The following PAPPA variants were observed in gnomAD, a reference collection of about 807,000 sequenced individuals.
PAPPA encodes the protein pappalysin 1, also known as pappalysin-1.
In PAPPA, 60 loss-of-function variants were observed where a neutral mutation model predicts 164.0. The ratio of observed to expected loss-of-function variants is 0.37; its 90% confidence interval spans 0.30 to 0.45. The LOEUF is 0.45. PAPPA is among the 20% of genes least tolerant of loss of function. The pLI is 1.00. For synonymous variants in PAPPA, 875 were observed against 814.1 expected, an observed-to-expected ratio of 1.07 and a Z score of -1.27; for missense variants, 1,782 against 2,087.3, an observed-to-expected ratio of 0.85 and a Z score of 2.85.
chr9:116,281,490 C>T (rs753794284), intron 9 of PAPPA, among the ~76,000 whole-genome samples: 2 of 152,152 alleles, frequency 1.3e-5, no homozygotes, highest in Non-Finnish European at 2.9e-5. Context: ...CATTGAGACA[C>T]TGAAGCAAAT....
chr9:116,279,402 CCAT>C (rs1845240776), intron 9 of PAPPA, among the ~76,000 whole-genome samples: 1 of 152,078 alleles, frequency 6.6e-6, no homozygotes, highest in Non-Finnish European at 1.5e-5. Context: ...ATCAAGCTTG[CCAT>C]CCTGCCTCAG....
In PAPPA at chr9:116,400,627, C is replaced by T. The variant is rs930384514; in HGVS notation, c.*4011C>T. ...AGTTTTTTAAAAAGCTGCTACATGA[C>T]AGACAGGTAATCCCACTGAGTGAGT... On this transcript the variant is annotated 3_prime_UTR_variant, in exon 22 of 22. Transcript: ENST00000328252. The T allele has an allele frequency of 1.3e-5, 2 of 152,194 alleles. No individual in the cohort carries two copies. The highest frequency in any genetic ancestry group is 2.9e-5 in the Non-Finnish European group (2 of 68,030). The allele number at this position is 152,194 out of a possible 1,614,324, so 9.4% of individuals were successfully genotyped here. A position where few individuals can be genotyped will look rare whatever the true frequency, so the allele number is the denominator to read the frequency against.
Position 116,396,572 on chromosome 9 carries a change from CAAG to C in PAPPA, c.4843_4845del (p.Glu1615del). On this transcript the variant is annotated inframe_deletion, in exon 22 of 22. Transcript: ENST00000328252. ...CTGTGCTTGTCGGGACCCCCAGGCC[CAAG>C]AACACAGCCGGAAAGACCTCCGGGG... 2.6e-6 allele frequency: 2 copies of C among 780,860 alleles called. No individual in the cohort carries two copies. The highest frequency in any genetic ancestry group is 4.9e-5 in the East Asian group (2 of 41,232). The allele number at this position is 780,860 out of a possible 1,614,324, so 48.4% of individuals were successfully genotyped here.
chr9:116,383,807 T>TCAC (rs1846765780), intron 21 of PAPPA, among the ~76,000 whole-genome samples: 1 of 152,210 alleles, frequency 6.6e-6, no homozygotes, highest in Non-Finnish European at 1.5e-5. Context: ...GTTTTGATTT[T>TCAC]TGATTGATAG....
At chr9:116,370,116 G>C (rs935001084) in intron 19 of PAPPA, among the ~76,000 whole-genome samples, 2 of 152,142 alleles carry the variant, frequency 1.3e-5, no homozygotes, top group African/African-American at 4.8e-5. Flanking sequence ...GTGCAATTTA[G>C]ATAGCTGGGG....
intron 1 of PAPPA, among the ~76,000 whole-genome samples, chr9:116,161,253 T>A (rs1843661718): frequency 6.6e-6 from 1 of 152,204 alleles, no homozygotes; most frequent in African/African-American, 2.4e-5. Context: ...TGTTGGGACT[T>A]CATAAGTCTG....
At position 116,193,500 on chromosome 9, in the gene PAPPA, C is replaced by T. The variant is rs562781560; in HGVS notation, c.1478+5284C>T. Reference sequence around the variant, plus strand: ...TTGCTGCAGATGGGGAGACTAAGCCCTCAAGGAGGGGCAGACACTGACGCA... The same window carrying T: ...TTGCTGCAGATGGGGAGACTAAGCCTTCAAGGAGGGGCAGACACTGACGCA... On this transcript the variant is annotated intron_variant, in intron 2 of 21. Coordinates refer to ENST00000328252, the MANE Select transcript of PAPPA (RefSeq NM_002581.5). Among the ~76,000 whole-genome samples, 3 of 152,192 alleles carry T rather than the reference C, an allele frequency of 2.0e-5. No individual in the cohort carries two copies. In the South Asian group the frequency reaches 6.2e-4, roughly 32 times the overall value.
In PAPPA at chr9:116,271,269, C is replaced by T; in HGVS notation, c.2862-56C>T. ...GGCCCAGGGAGGGACTTTTCCATGTCCAGCCATGGTTTTAAGACTAAATTG... is the reference window on the plus strand; with the variant it reads ...GGCCCAGGGAGGGACTTTTCCATGTTCAGCCATGGTTTTAAGACTAAATTG... On this transcript the variant is annotated intron_variant, in intron 8 of 21. Coordinates refer to ENST00000328252, the MANE Select transcript of PAPPA (RefSeq NM_002581.5). The surrounding 1 kb of genome is among the most constrained non-coding windows in gnomAD (Gnocchi z 4.2). The T allele has an allele frequency of 2.4e-6, 3 of 1,254,730 alleles. No homozygotes were observed. The highest frequency in any genetic ancestry group is 2.4e-5 in the South Asian group (2 of 83,558). 77.7% of individuals were successfully genotyped at this position (1,254,730 alleles called of 1,614,324 possible).
rs138082137 is a variant in PAPPA at position 116,325,866 on chromosome 9, CT to C, written c.3148-5373del. Among the ~76,000 whole-genome samples, 957 of 152,282 alleles carry C rather than the reference CT, an allele frequency of 6.3e-3. 12 individuals carry two copies. Among genetic ancestry groups the C allele is most frequent in the African/African-American group, 0.022 (915 of 41,564 alleles). On this transcript the variant is annotated intron_variant, in intron 10 of 21. Coordinates refer to ENST00000328252, the MANE Select transcript of PAPPA (RefSeq NM_002581.5). ...TATTTCTGGGAGACAGAAAAATTTG[CT>C]TTTTCATAAACGTGTTGCTCCTTAT...
chr9:116,367,430 G>A (rs1846515490), intron 18 of PAPPA, among the ~76,000 whole-genome samples: 1 of 152,196 alleles, frequency 6.6e-6, no homozygotes, highest in South Asian at 2.1e-4. Context: ...CAATGAGTGT[G>A]GCAGCAGGAA....
intron 7 of PAPPA, among the ~76,000 whole-genome samples, chr9:116,261,725 C>G (rs1462799332): frequency 1.3e-5 from 2 of 151,948 alleles, no homozygotes; most frequent in African/African-American, 4.8e-5. Flanking sequence ...GCTCTAAATT[C>G]GATACACATT....
intron 13 of PAPPA, among the ~76,000 whole-genome samples, chr9:116,339,034 C>G (rs1319532912): frequency 6.6e-6 from 1 of 152,144 alleles, no homozygotes; most frequent in Non-Finnish European, 1.5e-5. Flanking sequence ...CTAAAATCAC[C>G]TAACAAGTTG....
At chr9:116,240,150 C>G (rs925636624) in intron 7 of PAPPA, among the ~76,000 whole-genome samples, 2 of 152,232 alleles carry the variant, frequency 1.3e-5, no homozygotes, top group Admixed American at 6.5e-5. Context: ...CTCTCATCTA[C>G]TTATTGGTCT....
intron 10 of PAPPA, among the ~76,000 whole-genome samples, chr9:116,314,055 C>T (rs1218868131): frequency 1.6e-5 from 2 of 126,790 alleles, no homozygotes; most frequent in East Asian, 2.5e-4. Flanking sequence ...GTCATTGCAT[C>T]GAATCTTTTT....
intron 4 of PAPPA, among the ~76,000 whole-genome samples, chr9:116,215,568 A>G (rs1844360236): frequency 6.6e-6 from 1 of 152,184 alleles, no homozygotes; most frequent in African/African-American, 2.4e-5. Context: ...ACAGAGGGGA[A>G]CAACACACAC....
chr9:116,159,744 A>AC (rs1843645793), intron 1 of PAPPA, among the ~76,000 whole-genome samples: 1 of 151,960 alleles, frequency 6.6e-6, no homozygotes, highest in Non-Finnish European at 1.5e-5. Context: ...AGCACCTCCC[A>AC]TTTTTCCCTG....
intron 5 of PAPPA, among the ~76,000 whole-genome samples, chr9:116,223,527 A>G (rs1844469921): frequency 1.3e-5 from 2 of 152,218 alleles, no homozygotes; most frequent in Non-Finnish European, 2.9e-5. Context: ...CTTGAGGCTC[A>G]TATAGTAGCT....
At chr9:116,241,347 C>T (rs1844733298) in intron 7 of PAPPA, among the ~76,000 whole-genome samples, 1 of 151,952 alleles carries the variant, frequency 6.6e-6, no homozygotes, top group Admixed American at 6.6e-5. Flanking sequence ...ATATAATATC[C>T]CAGTTGGAAA....
chr9:116,348,234 C>A (rs1475223464), intron 15 of PAPPA, among the ~76,000 whole-genome samples: 2 of 151,708 alleles, frequency 1.3e-5, no homozygotes, highest in African/African-American at 4.8e-5. Context: ...TGGTTGTCAG[C>A]ATCATCTAGT....
Sources: allele counts gnomAD v4.1 joint callset (sites outside exome capture counted in the v4.1 genomes callset), GRCh38; gene constraint gnomAD v4.1.1; non-coding constraint Gnocchi (gnomAD v3.1); transcripts MANE v1.5; gene names NCBI Gene and HGNC (gene_info 2026-07-23, HGNC 2026-07-21).